The following CLSTN3 variants were observed in gnomAD, a reference collection of about 807,000 sequenced individuals.
CLSTN3 encodes calsyntenin-3.
Under a neutral mutation model 95.9 loss-of-function variants are expected in CLSTN3, and 36 were observed. The ratio of observed to expected loss-of-function variants is 0.38; its 90% CI spans 0.29 to 0.50. The LOEUF (loss-of-function observed/expected upper bound fraction) is 0.50. Ranked by LOEUF, CLSTN3 falls within the 20% of genes least tolerant of loss-of-function variation. The pLI is 0.95. For synonymous variants in CLSTN3, 481 were observed against 504.0 expected, an observed-to-expected ratio of 0.95 and a Z score of 0.61; for missense variants, 1,084 against 1,268.8, an observed-to-expected ratio of 0.85 and a Z score of 2.21.
chr12:7,133,196 G>C lies in CLSTN3; in HGVS notation c.187+50G>C. ...GGCAGGGTAGGACAGAGAAAAGTGG[G>C]TGGGAGGGCCAAGAGCAAGGGAGGG... On this transcript the variant is annotated intron_variant, in intron 2 of 17. Coordinates refer to ENST00000266546, the MANE Select transcript of CLSTN3 (RefSeq NM_014718.4). The surrounding 1 kb of genome is among the most constrained non-coding windows in gnomAD (Gnocchi z 4.7). 6.2e-7 allele frequency: 1 copy of C among 1,604,648 alleles called. No individual in the cohort carries two copies. The highest frequency in any genetic ancestry group is 8.5e-7 in the Non-Finnish European group (1 of 1,173,166).
chr12:7,157,977 G>C lies in CLSTN3; in HGVS notation c.2767G>C (p.Val923Leu). 6.4e-7 allele frequency: 1 copy of C among 1,551,382 alleles called. No homozygotes were observed. Among genetic ancestry groups the C allele is most frequent in the East Asian group, 2.4e-5 (1 of 40,924 alleles). ...QNRQSCVTGA[V>L]GGQQEDEDSS... ...TCGGCAGTCCTGTGTGACGGGGGCT[G>C]TTGGGGGCCAGCAGGAGGATGAGGA... The change falls in exon 18 of 18, where the codon GTT becomes CTT. Residue 923 changes from valine (V) to leucine (L), a missense_variant. Physicochemically the swap from Val to Leu is conservative, Grantham distance 32. Coordinates refer to ENST00000266546, the MANE Select transcript of CLSTN3 (RefSeq NM_014718.4). The surrounding 1 kb of genome is among the most constrained non-coding windows in gnomAD (Gnocchi z 5.9).
chr12:7,137,785 TGTGTGTGTGTGAGAGA>T lies in CLSTN3; in HGVS notation c.1211-168_1211-153del, dbSNP rs1300480454. On this transcript the variant is annotated intron_variant, in intron 7 of 17. Transcript: ENST00000266546. The surrounding 1 kb of genome is among the most constrained non-coding windows in gnomAD (Gnocchi z 4.4). ...GTGTGTGTGTGTGTGTGTGTGTGTG[TGTGTGTGTGTGAGAGA>T]GAGAGAGAGAGAGAGAGAGAGGAAA... is the stretch of plus-strand genomic sequence containing the variant. 8.8e-6 allele frequency among the ~76,000 whole-genome samples: 1 copy of T among 114,228 alleles called. No individual in the cohort carries two copies. The highest frequency in any genetic ancestry group is 1.9e-5 in the Non-Finnish European group (1 of 52,332). 74.9% of individuals were successfully genotyped at this position (114,228 alleles called of 152,430 possible).
chr12:7,132,978 GC>G (rs1565648069), intron 1 of CLSTN3, 45 bp from the exon 2 acceptor site: 1 of 1,611,334 alleles, frequency 6.2e-7, no homozygotes, highest in Admixed American at 1.7e-5. Context: ...GGGAGTAGAG[GC>G]CCTGCTCACA....
At chr12:7,144,469 C>T (rs1032004825) in intron 12 of CLSTN3, among the ~76,000 whole-genome samples, 3 of 152,138 alleles carry the variant, frequency 2.0e-5, no homozygotes, top group Non-Finnish European at 4.4e-5. Context: ...GAGTCTAACT[C>T]GTGGAATTGT....
chr12:7,154,198 C>T (rs889559616), intron 16 of CLSTN3, among the ~76,000 whole-genome samples: 25 of 152,358 alleles, frequency 1.6e-4, no homozygotes, highest in Non-Finnish European at 3.2e-4. Flanking sequence ...GGTGCTCCCT[C>T]CCTTTCACCT....
chr12:7,147,413 A>G (rs1225385563), intron 12 of CLSTN3, among the ~76,000 whole-genome samples: 2 of 150,854 alleles, frequency 1.3e-5, no homozygotes, highest in Non-Finnish European at 1.5e-5. Flanking sequence ...AAAAAAAAAA[A>G]AAAAAAAAAA....
At chr12:7,134,150 C>T (rs1055814442) in intron 3 of CLSTN3, among the ~76,000 whole-genome samples, 1 of 152,108 alleles carries the variant, frequency 6.6e-6, no homozygotes, top group African/African-American at 2.4e-5. Flanking sequence ...CGTTGAAGGG[C>T]ACAGTACATG....
rs199594038 is a variant in CLSTN3, at chr12:7,149,635, C to T, written c.2187C>T (p.Thr729=). Reference sequence around the variant, plus strand: ...GGGAAAGCCTGCTCCTGGACACAACCTCTCTGCAGCAGCGGGGGCTGGAGC... The same window carrying T: ...GGGAAAGCCTGCTCCTGGACACAACTTCTCTGCAGCAGCGGGGGCTGGAGC... ...PERESLLLDT[T]SLQQRGLELT... The change falls in exon 14 of 18, where the codon ACC becomes ACT. Residue 729 remains threonine, a synonymous_variant. Coordinates refer to ENST00000266546, the MANE Select transcript of CLSTN3 (RefSeq NM_014718.4). This position sits in a 1 kb window ranked among gnomAD's most constrained non-coding sequence, Gnocchi z 4.5. 6.2e-7 allele frequency: 1 copy of T among 1,614,170 alleles called. No individual in the cohort carries two copies. The highest frequency in any genetic ancestry group is 8.5e-7 in the Non-Finnish European group (1 of 1,180,028).
At chr12:7,153,550 A>G (rs1464580630) in intron 16 of CLSTN3, among the ~76,000 whole-genome samples, 1 of 152,208 alleles carries the variant, frequency 6.6e-6, no homozygotes, top group Non-Finnish European at 1.5e-5. Flanking sequence ...AAGATTAGAG[A>G]AGTTTCACAT....
rs571929819 is a variant in CLSTN3 at position 7,131,450 on chromosome 12, G to A, written c.64+738G>A. The A allele has an allele frequency of 1.5e-3, 382 of 250,300 alleles. 5 individuals are homozygous for A. The highest frequency in any genetic ancestry group is 5.9e-4 in the Non-Finnish European group (74 of 124,478). 15.5% of individuals were successfully genotyped at this position (250,300 alleles called of 1,614,324 possible). A position where few individuals can be genotyped will look rare whatever the true frequency, so the allele number is the denominator to read the frequency against. On this transcript the variant is annotated intron_variant, in intron 1 of 17. Transcript: ENST00000266546. The stretch of plus-strand genomic sequence containing the variant: ...TGAGAGGGAAAGCTGAGAAGGAGAA[G>A]ACCGGAGATGAGGCGTGGGAGGGGG...
chr12:7,148,610 G>A (rs966105096), intron 12 of CLSTN3, among the ~76,000 whole-genome samples: 5 of 152,208 alleles, frequency 3.3e-5, no homozygotes, highest in African/African-American at 1.2e-4. Context: ...ATAAAGAACT[G>A]TGTGTGTATA....
At chr12:7,142,736 G>GTTTCCCCATTTCTCCTTTTTTT in intron 10 of CLSTN3, 133 bp from the exon 11 acceptor site, 2 of 109,736 alleles carry the variant, frequency 1.8e-5, no homozygotes, top group Non-Finnish European at 3.2e-5. Flanking sequence ...TTTTTTTTTT[G>GTTTCCCCATTTCTCCTTTTTTT]GTTTCCACAT....
intron 16 of CLSTN3, among the ~76,000 whole-genome samples, chr12:7,152,689 G>GGC (rs1939743827): frequency 6.6e-6 from 1 of 152,158 alleles, no homozygotes; most frequent in African/African-American, 2.4e-5. Context: ...TCATGTGCCA[G>GGC]GCACTGTGCT....
Position 7,158,134 on chromosome 12 carries a change from A to G in CLSTN3, c.*53A>G, listed in dbSNP as rs1278158701. On this transcript the variant is annotated 3_prime_UTR_variant, in exon 18 of 18. Coordinates refer to ENST00000266546, the MANE Select transcript of CLSTN3 (RefSeq NM_014718.4). Reference sequence around the variant, plus strand: ...GGAATTCTGCCCTGGTGAAACAGACACTCCAGACATGGGAGAAGGACTTTC... The same window carrying G: ...GGAATTCTGCCCTGGTGAAACAGACGCTCCAGACATGGGAGAAGGACTTTC... The G allele has an allele frequency of 2.1e-6, 3 of 1,452,456 alleles. No homozygotes were observed. The highest frequency in any genetic ancestry group is 2.7e-6 in the Non-Finnish European group (3 of 1,094,330). 90.0% of individuals were successfully genotyped at this position (1,452,456 alleles called of 1,614,324 possible).
At position 7,137,391 on chromosome 12, in the gene CLSTN3, C is replaced by A. The variant is rs1939446971; in HGVS notation, c.1210+281C>A. On this transcript the variant is annotated intron_variant, in intron 7 of 17. Transcript: ENST00000266546. The surrounding 1 kb of genome is among the most constrained non-coding windows in gnomAD (Gnocchi z 4.4). ...ACCATGTGGTAGGCTGTCCCCACCC[C>A]CCATCTCCACCTCCATTAAAGCCCC... The A allele has an allele frequency of 9.4e-6, 4 of 424,666 alleles. No homozygotes were observed. Among genetic ancestry groups the A allele is most frequent in the Non-Finnish European group, 1.7e-5 (4 of 230,404 alleles). The allele number at this position is 424,666 out of a possible 1,614,324, so 26.3% of individuals were successfully genotyped here.
intron 12 of CLSTN3, among the ~76,000 whole-genome samples, chr12:7,146,417 A>AG (rs1939622668): frequency 6.6e-6 from 1 of 151,398 alleles, no homozygotes. Flanking sequence ...TTAGAGAGAG[A>AG]GAAAAAAAAA....
intron 12 of CLSTN3, among the ~76,000 whole-genome samples, chr12:7,143,554 G>C (rs1939569525): frequency 6.6e-6 from 1 of 152,220 alleles, no homozygotes; most frequent in African/African-American, 2.4e-5. Flanking sequence ...CACACATCTA[G>C]GGTTTCCGGG....
intron 1 of CLSTN3, chr12:7,132,596 T>C (rs1591612793): frequency 8.3e-6 from 3 of 362,408 alleles, no homozygotes; most frequent in African/African-American, 2.0e-5. Flanking sequence ...TCTAGATCTT[T>C]TTCTAGTTTC....
In CLSTN3 at chr12:7,133,032, C is replaced by T. The variant is rs940986622; in HGVS notation, c.73C>T (p.His25Tyr). The T allele has an allele frequency of 1.9e-6, 3 of 1,613,630 alleles. No individual in the cohort carries two copies. Among genetic ancestry groups the T allele is most frequent in the Non-Finnish European group, 2.5e-6 (3 of 1,179,782 alleles). Reference sequence around the variant, plus strand: ...CCCTGGGGTGGGGCCAGCCAACAAGCACAAGCCATGGATTGAGGCAGAGTA... The same window carrying T: ...CCCTGGGGTGGGGCCAGCCAACAAGTACAAGCCATGGATTGAGGCAGAGTA... ...ASCSCNKANK[H>Y]KPWIEAEYQG... The change falls in exon 2 of 18, where the codon CAC (histidine) becomes TAC (tyrosine). Residue 25 changes from histidine (H) to tyrosine (Y), a missense_variant. Physicochemically the swap from His to Tyr is moderately conservative, Grantham distance 83. Transcript: ENST00000266546. This position sits in a 1 kb window ranked among gnomAD's most constrained non-coding sequence, Gnocchi z 4.7.
Sources: allele counts gnomAD v4.1 joint callset (sites outside exome capture counted in the v4.1 genomes callset), GRCh38; gene constraint gnomAD v4.1.1; non-coding constraint Gnocchi (gnomAD v3.1); transcripts MANE v1.5; gene names NCBI Gene and HGNC (gene_info 2026-07-23, HGNC 2026-07-21).